Variants in UGT3A2 observed in about 807,000 individuals in gnomAD.
The protein encoded by UGT3A2 is UDP-glycosyltransferase 3A2.
A neutral mutation model predicts 39.8 loss-of-function variants in UGT3A2; 32 were observed. That is an observed-to-expected ratio of 0.80 (90% CI 0.61 to 1.08). UGT3A2 has a LOEUF of 1.08. Ranked by LOEUF, UGT3A2 falls within the 50% of genes least tolerant of loss-of-function variation. The pLI, the probability that UGT3A2 is intolerant of heterozygous loss-of-function variation, is 0.00. For missense variants in UGT3A2, 611 were observed against 637.1 expected (o/e 0.96, Z 0.44); for synonymous variants, 241 against 230.7 (o/e 1.04, Z -0.40).
chr5:36,050,577 T>C (rs1742310285), intron 3 of UGT3A2, among the ~76,000 whole-genome samples: 1 of 152,214 alleles, frequency 6.6e-6, no homozygotes, highest in Admixed American at 6.5e-5. Flanking sequence ...AAAATTTCAG[T>C]AATGGGCTGG....
At chr5:36,042,547 T>C (rs1313448717) in intron 4 of UGT3A2, among the ~76,000 whole-genome samples, 1 of 151,946 alleles carries the variant, frequency 6.6e-6, no homozygotes, top group Admixed American at 6.6e-5. Context: ...TTACAAATAA[T>C]AACATTGAAT....
At chr5:36,063,549 C>T (rs559652671) in intron 2 of UGT3A2, among the ~76,000 whole-genome samples, 1 of 152,246 alleles carries the variant, frequency 6.6e-6, no homozygotes, top group East Asian at 1.9e-4. Flanking sequence ...ATTCCGATAT[C>T]ATAAAAAGAG....
intron 4 of UGT3A2, among the ~76,000 whole-genome samples, chr5:36,044,264 A>T (rs1324255218): frequency 6.6e-6 from 1 of 152,170 alleles, no homozygotes; most frequent in Non-Finnish European, 1.5e-5. Context: ...TTGATGCTGA[A>T]AAAGCATTCA....
chr5:36,055,376 G>T (rs1336434646), intron 2 of UGT3A2, among the ~76,000 whole-genome samples: 1 of 151,978 alleles, frequency 6.6e-6, no homozygotes, highest in Non-Finnish European at 1.5e-5. Flanking sequence ...GGGATTACAG[G>T]CACGAGCCAC....
chr5:36,051,662 A>G (rs979039991), intron 3 of UGT3A2, among the ~76,000 whole-genome samples: 8 of 152,190 alleles, frequency 5.3e-5, no homozygotes, highest in Admixed American at 3.9e-4. Context: ...CAGGGACTTT[A>G]CTGGATGATG....
intron 4 of UGT3A2, among the ~76,000 whole-genome samples, chr5:36,046,588 C>T (rs1742172260): frequency 1.3e-5 from 2 of 151,908 alleles, no homozygotes; most frequent in African/African-American, 2.4e-5. Flanking sequence ...GATAGCAGAA[C>T]GATTGTTACC....
At chr5:36,052,898 G>A (rs651440) in intron 2 of UGT3A2, among the ~76,000 whole-genome samples, 109,809 of 152,114 alleles carry the variant, frequency 0.72, 40,558 homozygotes, top group Non-Finnish European at 0.8. Context: ...CAAGCTAATT[G>A]AAATGAAAGA....
intron 3 of UGT3A2, among the ~76,000 whole-genome samples, chr5:36,051,089 G>A (rs1035118231): frequency 2.0e-5 from 3 of 152,156 alleles, no homozygotes; most frequent in African/African-American, 7.2e-5. Context: ...TAGATCAGAC[G>A]TATAGAGGAG....
intron 2 of UGT3A2, among the ~76,000 whole-genome samples, chr5:36,056,764 G>A (rs749291360): frequency 4.6e-5 from 7 of 152,214 alleles, no homozygotes; most frequent in Non-Finnish European, 8.8e-5. Flanking sequence ...CTAATAGGCT[G>A]AGAATTTCCA....
Position 36,035,774 on chromosome 5 carries a change from G to A in UGT3A2, c.1496C>T (p.Thr499Ile), listed in dbSNP as rs145508882. Residue 499 changes from threonine to isoleucine, a missense_variant, in exon 7 of 7, where the codon ACT becomes ATT. Physicochemically the swap from Thr to Ile is moderately conservative, Grantham distance 89 (BLOSUM62 -1). Coordinates refer to ENST00000282507, the MANE Select transcript of UGT3A2 (RefSeq NM_174914.4). ...CAGCAGCTTCCCACAAAGCCATAGA[G>A]TCCCCAGAGTGAGCCCCAGCAGAAA... Reference protein sequence around the residue: ...FVFLLGLTLGTLWLCGKLLGM... With the variant: ...FVFLLGLTLGILWLCGKLLGM... 55 of 1,614,136 alleles carry A rather than the reference G, an allele frequency of 3.4e-5. No homozygotes were observed. The highest frequency in any genetic ancestry group is 4.5e-5 in the Non-Finnish European group (53 of 1,180,026).
At chr5:36,038,304 A>G (rs1280921097) in intron 5 of UGT3A2, among the ~76,000 whole-genome samples, 1 of 152,192 alleles carries the variant, frequency 6.6e-6, no homozygotes. Context: ...CTCTCTGTCC[A>G]TCCATTCTTC....
chr5:36,050,411 C>T lies in UGT3A2; in HGVS notation c.312-991G>A, dbSNP rs927988947. 3.3e-5 allele frequency among the ~76,000 whole-genome samples: 5 copies of T among 152,218 alleles called. No individual in the cohort carries two copies. In the East Asian group the frequency reaches 9.6e-4, roughly 29 times the overall value. Reference sequence around the variant, plus strand: ...AGAAACATACTGGCTGCAAGGAAGACTGAGATAATCAATTCCCTGACACAC... The same window carrying T: ...AGAAACATACTGGCTGCAAGGAAGATTGAGATAATCAATTCCCTGACACAC... On this transcript the variant is annotated intron_variant, in intron 3 of 6. Coordinates refer to ENST00000282507, the MANE Select transcript of UGT3A2 (RefSeq NM_174914.4).
Position 36,048,997 on chromosome 5 carries a change from C to T in UGT3A2, c.735G>A (p.Glu245=), listed in dbSNP as rs1742252659. Residue 245 remains glutamate (E), a synonymous_variant, in exon 4 of 7, where the codon GAG becomes GAA. Coordinates refer to ENST00000282507, the MANE Select transcript of UGT3A2 (RefSeq NM_174914.4). ...CAAAGTCAGAGTTAATGAACCACAA[C>T]TCTGCTTTCAGTAGAAGATGAGACA... The part of the protein sequence containing the change: ...PVLSHLLLKA[E]LWFINSDFAF... 1.2e-6 allele frequency: 2 copies of T among 1,614,214 alleles called. No homozygotes were observed. The highest frequency in any genetic ancestry group is 1.7e-6 in the Non-Finnish European group (2 of 1,180,046).
intron 3 of UGT3A2, among the ~76,000 whole-genome samples, chr5:36,050,493 A>T (rs1029330364): frequency 6.6e-6 from 1 of 152,232 alleles, no homozygotes; most frequent in African/African-American, 2.4e-5. Flanking sequence ...TGATATGCAG[A>T]TTGGCTGAAG....
rs373413838 is a variant in UGT3A2, at chr5:36,049,446, A to G, written c.312-26T>C. On this transcript the variant is annotated intron_variant, in intron 3 of 6. Coordinates refer to ENST00000282507, the MANE Select transcript of UGT3A2 (RefSeq NM_174914.4). ...CTGTAAGAAAAAAATGATAATAAATATTCATGGGAAGTGTTAAATTTACAG... is the reference window on the plus strand; with the variant it reads ...CTGTAAGAAAAAAATGATAATAAATGTTCATGGGAAGTGTTAAATTTACAG... 1.0e-5 allele frequency: 15 copies of G among 1,490,754 alleles called. No homozygotes were observed. In the African/African-American group the frequency reaches 1.8e-4, roughly 18 times the overall value. The allele number at this position is 1,490,754 out of a possible 1,614,324, so 92.3% of individuals were successfully genotyped here.
intron 4 of UGT3A2, among the ~76,000 whole-genome samples, chr5:36,040,079 G>A (rs1368081549): frequency 6.6e-6 from 1 of 152,084 alleles, no homozygotes; most frequent in Non-Finnish European, 1.5e-5. Flanking sequence ...GAATGGAGAT[G>A]CTGGGAGAAC....
intron 6 of UGT3A2, 139 bp from the exon 7 acceptor site, chr5:36,036,113 T>C: frequency 1.8e-6 from 2 of 1,124,886 alleles, no homozygotes; most frequent in Non-Finnish European, 2.5e-6. Flanking sequence ...CTGGTTCCCC[T>C]TGAAATTTAA....
chr5:36,044,562 A>G (rs912050836), intron 4 of UGT3A2, among the ~76,000 whole-genome samples: 10 of 152,204 alleles, frequency 6.6e-5, no homozygotes, highest in African/African-American at 2.4e-4. Flanking sequence ...AAATTATATA[A>G]TCTTATATTT....
At chr5:36,052,429 TG>T (rs2111740439) in intron 2 of UGT3A2, among the ~76,000 whole-genome samples, 1 of 151,928 alleles carries the variant, frequency 6.6e-6, no homozygotes, top group Admixed American at 6.6e-5. Flanking sequence ...CTTGCCTGCT[TG>T]GCCCCTTCTT....
Sources: allele counts gnomAD v4.1 joint callset (sites outside exome capture counted in the v4.1 genomes callset), GRCh38; gene constraint gnomAD v4.1.1; transcripts MANE v1.5; gene names NCBI Gene and HGNC (gene_info 2026-07-23, HGNC 2026-07-21).